AP2A2: variants seen among roughly 807,000 people sequenced by gnomAD.
AP2A2 encodes adaptor related protein complex 2 subunit alpha 2.
In AP2A2, 32 loss-of-function variants were observed where a neutral mutation model predicts 104.2. The observed-to-expected ratio is 0.31, with a 90% CI of 0.23 to 0.41. The LOEUF (loss-of-function observed/expected upper bound fraction) is 0.41, where lower values mean the gene tolerates loss of function less well. Ranked by LOEUF, AP2A2 falls within the 10% of genes least tolerant of loss-of-function variation. The pLI, the probability that AP2A2 is intolerant of heterozygous loss-of-function variation, is 1.00. For synonymous variants in AP2A2, 539 were observed against 533.3 expected (o/e 1.01, Z -0.15); for missense variants, 912 against 1,261.0 (o/e 0.72, Z 4.19).
At chr11:979,100 C>T (rs1316810836) in intron 5 of AP2A2, among the ~76,000 whole-genome samples, 1 of 151,826 alleles carries the variant, frequency 6.6e-6, no homozygotes, top group African/African-American at 2.4e-5. Flanking sequence ...CAGCTGCCAC[C>T]ACAGGGGTGG....
At chr11:937,272 G>A (rs970820631) in intron 1 of AP2A2, among the ~76,000 whole-genome samples, 5 of 151,732 alleles carry the variant, frequency 3.3e-5, no homozygotes, top group African/African-American at 1.2e-4. Flanking sequence ...CGCCCGCTTC[G>A]GCCTCCCAAA....
Position 959,438 on chromosome 11 carries a change from T to G in AP2A2, c.69T>G (p.Cys23Trp). 6.5e-7 allele frequency: 1 copy of G among 1,528,958 alleles called. No individual in the cohort carries two copies. The highest frequency in any genetic ancestry group is 9.0e-7 in the Non-Finnish European group (1 of 1,110,536). 94.7% of individuals were successfully genotyped at this position (1,528,958 alleles called of 1,614,324 possible). The change falls in exon 2 of 22, where the codon TGT becomes TGG. Residue 23 changes from cysteine to tryptophan, a missense_variant and splice_region_variant. By Grantham distance (215) the Cys-to-Trp change is radical (BLOSUM62 -2). Coordinates refer to ENST00000448903, the MANE Select transcript of AP2A2 (RefSeq NM_012305.4). ...ATGGCTTTTTGTTCTTTTTTTTAGG[T>G]AAAAGTAAAGAAGCAGAAATAAAAA... ...LAVFISDIRN[C>W]KSKEAEIKRI...
intron 2 of AP2A2, among the ~76,000 whole-genome samples, chr11:960,951 G>A (rs899478914): frequency 2.0e-5 from 3 of 152,254 alleles, no homozygotes; most frequent in African/African-American, 4.8e-5. Flanking sequence ...GAGCCTCTGC[G>A]CCCGGTGTGC....
chr11:988,534 C>G lies in AP2A2; in HGVS notation c.1132-18C>G, dbSNP rs753815361. ...TGCCTTGCTCCTGCGACCTCTTACTCTGTGCCTTGTTCCCCAGACTGAGCG... is the reference window on the plus strand; with the variant it reads ...TGCCTTGCTCCTGCGACCTCTTACTGTGTGCCTTGTTCCCCAGACTGAGCG... On this transcript the variant is annotated intron_variant, in intron 9 of 21. Transcript: ENST00000448903. 9 of 1,608,010 alleles carry G rather than the reference C, an allele frequency of 5.6e-6. No homozygotes were observed. In the East Asian group the frequency reaches 1.8e-4, roughly 32 times the overall value.
chr11:950,344 C>T (rs1854011001), intron 1 of AP2A2, among the ~76,000 whole-genome samples: 2 of 144,876 alleles, frequency 1.4e-5, no homozygotes, highest in African/African-American at 5.1e-5. Flanking sequence ...GAGTTTCGCT[C>T]TGTCACCAGG....
rs936404946 is a variant in AP2A2 at position 1,009,573 on chromosome 11, G to A, written c.2608-110G>A. The A allele has an allele frequency of 8.5e-6, 9 of 1,057,336 alleles. No individual in the cohort carries two copies. In the East Asian group the frequency reaches 8.8e-5, roughly 10 times the overall value. The allele number at this position is 1,057,336 out of a possible 1,614,324, so 65.5% of individuals were successfully genotyped here. A position where few individuals can be genotyped will look rare whatever the true frequency, so the allele number is the denominator to read the frequency against. Reference sequence around the variant, plus strand: ...CGCCAGGGTCTGGAGGGGCGGCCCCGGGGGACACGCAGCCCACGACCCAGC... The same window carrying A: ...CGCCAGGGTCTGGAGGGGCGGCCCCAGGGGACACGCAGCCCACGACCCAGC... On this transcript the variant is annotated intron_variant, in intron 20 of 21. Transcript: ENST00000448903.
At position 994,222 on chromosome 11, in the gene AP2A2, G is replaced by T; in HGVS notation, c.1933G>T (p.Ala645Ser). 6.2e-7 allele frequency: 1 copy of T among 1,612,826 alleles called. No homozygotes were observed. The highest frequency in any genetic ancestry group is 8.5e-7 in the Non-Finnish European group (1 of 1,179,824). Reference sequence around the variant, plus strand: ...GGACGTGAACGGGGGTCCTGAGCCTGCCCCAGCCAGTACCAGCGCCGTGGT... The same window carrying T: ...GGACGTGAACGGGGGTCCTGAGCCTTCCCCAGCCAGTACCAGCGCCGTGGT... Reference protein sequence around the residue: ...SVDVNGGPEPAPASTSAVSTP... With the variant: ...SVDVNGGPEPSPASTSAVSTP... Residue 645 changes from alanine to serine, a missense_variant, in exon 14 of 22, where the codon GCC becomes TCC. This residue lies in a region of AP2A2 where 105 missense variants were observed against 90.9 expected (regional missense o/e 1.16). Transcript: ENST00000448903.
chr11:926,492 C>G (rs1425877950), intron 1 of AP2A2, among the ~76,000 whole-genome samples: 1 of 152,074 alleles, frequency 6.6e-6, no homozygotes, highest in Non-Finnish European at 1.5e-5. Context: ...GGCTGCGGCA[C>G]CACCAAGGGG....
chr11:928,284 A>G (rs1369245158), intron 1 of AP2A2, among the ~76,000 whole-genome samples: 1 of 152,242 alleles, frequency 6.6e-6, no homozygotes, highest in Non-Finnish European at 1.5e-5. Context: ...ATTACAGTAT[A>G]TCATTACAGT....
intron 16 of AP2A2, among the ~76,000 whole-genome samples, chr11:1,004,200 C>T (rs1218610836): frequency 1.3e-5 from 2 of 152,216 alleles, no homozygotes; most frequent in African/African-American, 4.8e-5. Flanking sequence ...GCAGCCTGTG[C>T]AGTGGCTCAC....
chr11:957,284 A>G (rs909919101), intron 1 of AP2A2, among the ~76,000 whole-genome samples: 1 of 152,228 alleles, frequency 6.6e-6, no homozygotes, highest in Non-Finnish European at 1.5e-5. Context: ...GACGTTCCCC[A>G]AACCCTGTCC....
chr11:954,735 G>A (rs1045369245), intron 1 of AP2A2, among the ~76,000 whole-genome samples: 5 of 151,926 alleles, frequency 3.3e-5, no homozygotes, highest in African/African-American at 1.2e-4. Flanking sequence ...GTGTGTGTGT[G>A]TGTATTTGTG....
At chr11:962,559 C>A (rs1240266087) in intron 2 of AP2A2, among the ~76,000 whole-genome samples, 1 of 151,984 alleles carries the variant, frequency 6.6e-6, no homozygotes, top group African/African-American at 2.4e-5. Context: ...ATGGTGAAAC[C>A]CCATCTTTAC....
At chr11:1,009,922 A>G (rs1856363541) in intron 21 of AP2A2, 105 bp downstream of exon 21, 5 of 1,394,366 alleles carry the variant, frequency 3.6e-6, no homozygotes, top group Non-Finnish European at 4.8e-6. Flanking sequence ...GTCAGTTTTG[A>G]CAGATGTTGT....
intron 1 of AP2A2, among the ~76,000 whole-genome samples, chr11:931,529 G>C (rs575775276): frequency 6.6e-6 from 1 of 152,326 alleles, no homozygotes; most frequent in Admixed American, 6.5e-5. Context: ...AGTTTGCCAG[G>C]AAAACAACTT....
intron 1 of AP2A2, among the ~76,000 whole-genome samples, chr11:953,618 G>T (rs1854126279): frequency 6.7e-6 from 1 of 149,754 alleles, no homozygotes; most frequent in Non-Finnish European, 1.5e-5. Context: ...CTCCGTCCTG[G>T]CTCCGTCTGC....
chr11:1,011,496 CCT>C lies in AP2A2; in HGVS notation c.*874_*875del, dbSNP rs1259052837. 2.0e-6 allele frequency: 1 copy of C among 494,124 alleles called. No individual in the cohort carries two copies. Among genetic ancestry groups the C allele is most frequent in the Non-Finnish European group, 4.0e-6 (1 of 247,688 alleles). 30.6% of individuals were successfully genotyped at this position (494,124 alleles called of 1,614,324 possible). A position where few individuals can be genotyped will look rare whatever the true frequency, so the allele number is the denominator to read the frequency against. On this transcript the variant is annotated 3_prime_UTR_variant, in exon 22 of 22. Coordinates refer to ENST00000448903, the MANE Select transcript of AP2A2 (RefSeq NM_012305.4). ...CTGGAGGGGCTGTGGAGGAGGGACGCCTCTGTGTGGTCAGGAAGTGAAGGGGC... is the reference window on the plus strand; with the variant it reads ...CTGGAGGGGCTGTGGAGGAGGGACGCCTGTGTGGTCAGGAAGTGAAGGGGC...
At chr11:981,156 A>G (rs1171308081) in intron 5 of AP2A2, 42 bp from the exon 6 acceptor site, 1 of 1,519,974 alleles carries the variant, frequency 6.6e-7, no homozygotes, top group Non-Finnish European at 9.0e-7. Flanking sequence ...ACAAGTGGTT[A>G]GCTTCAAGTG....
intron 2 of AP2A2, among the ~76,000 whole-genome samples, chr11:969,234 T>C (rs1368185948): frequency 7.0e-6 from 1 of 143,374 alleles, no homozygotes; most frequent in African/African-American, 2.6e-5. Context: ...TTTTTTTTTT[T>C]TTTTTTTTTT....
Sources: gnomAD v4.1 joint callset for allele counts (sites outside exome capture counted in the v4.1 genomes callset) on GRCh38, gnomAD v4.1.1 for gene constraint, gnomAD v4.1.1 regional missense constraint, MANE v1.5 for transcripts, NCBI Gene and HGNC (gene_info 2026-07-23, HGNC 2026-07-21) for gene names.